Variants in WDR33 observed in about 807,000 individuals in gnomAD.
WDR33 encodes the protein WD repeat domain 33.
Under a neutral mutation model 164.9 loss-of-function variants are expected in WDR33, and 47 were observed. That is an observed-to-expected ratio of 0.29 (90% CI 0.23 to 0.36). The LOEUF (loss-of-function observed/expected upper bound fraction) is 0.36, where lower values mean the gene tolerates loss of function less well. Ranked by LOEUF, WDR33 falls within the 10% of genes least tolerant of loss-of-function variation. The pLI is 1.00. For missense variants in WDR33, 1,137 were observed against 1,754.1 expected (o/e 0.65, Z 6.28); for synonymous variants, 505 against 589.0 (o/e 0.86, Z 2.06).
chr2:127,707,448 T>A (rs930006395), intron 21 of WDR33, among the ~76,000 whole-genome samples: 4 of 152,122 alleles, frequency 2.6e-5, no homozygotes, highest in African/African-American at 9.7e-5. Flanking sequence ...CTTGGCTTCT[T>A]TTCTTAGAAA....
chr2:127,786,395 T>C (rs1688572699), intron 1 of WDR33, among the ~76,000 whole-genome samples: 1 of 152,228 alleles, frequency 6.6e-6, no homozygotes, highest in Non-Finnish European at 1.5e-5. Flanking sequence ...AGAAATACAA[T>C]ATTTTGGCAG....
In WDR33 at chr2:127,719,469, C is replaced by T. The variant is rs1272143206; in HGVS notation, c.2556G>A (p.Leu852=). 2 of 1,590,090 alleles carry T rather than the reference C, an allele frequency of 1.3e-6. No homozygotes were observed. The highest frequency in any genetic ancestry group is 1.7e-6 in the Non-Finnish European group (2 of 1,166,308). ...QGSMLGPPQE[L]RGPPGSQSQQ... is the part of the protein sequence containing the mutation. ...GACTTTGTGAGCCTGGAGGCCCTCGCAATTCCTGGGGAGGTCCCAGCATTG... is the reference window on the plus strand; with the variant it reads ...GACTTTGTGAGCCTGGAGGCCCTCGTAATTCCTGGGGAGGTCCCAGCATTG... Residue 852 remains leucine (L), a synonymous_variant, in exon 16 of 22, where the codon TTG becomes TTA. Transcript: ENST00000322313. This position sits in a 1 kb window ranked among gnomAD's most constrained non-coding sequence, Gnocchi z 6.5.
At chr2:127,743,794 CGAG>C (rs1339086975) in intron 7 of WDR33, among the ~76,000 whole-genome samples, 2 of 152,054 alleles carry the variant, frequency 1.3e-5, no homozygotes, top group East Asian at 1.9e-4. Context: ...ATGACAAAAA[CGAG>C]GAGGTAGGAG....
chr2:127,759,083 T>A (rs528386143), intron 7 of WDR33, among the ~76,000 whole-genome samples: 1 of 152,202 alleles, frequency 6.6e-6, no homozygotes, highest in African/African-American at 2.4e-5. Context: ...ATAAAAACTT[T>A]AAAAAATGTT....
Position 127,714,685 on chromosome 2 carries a change from C to A in WDR33, c.2870-664G>T, listed in dbSNP as rs986436002. Reference sequence around the variant, plus strand: ...TTTGAAGACAGTGTTTGGAATCCCACTAAAGTTTTCTAAAATATGTGAAAA... The same window carrying A: ...TTTGAAGACAGTGTTTGGAATCCCAATAAAGTTTTCTAAAATATGTGAAAA... On this transcript the variant is annotated intron_variant, in intron 17 of 21. Transcript: ENST00000322313. The surrounding 1 kb of genome is among the most constrained non-coding windows in gnomAD (Gnocchi z 4.3). 6.6e-6 allele frequency among the ~76,000 whole-genome samples: 1 copy of A among 152,188 alleles called. No homozygotes were observed. The highest frequency in any genetic ancestry group is 2.4e-5 in the African/African-American group (1 of 41,444).
At chr2:127,790,979 A>G (rs574732900) in intron 1 of WDR33, among the ~76,000 whole-genome samples, 5 of 151,800 alleles carry the variant, frequency 3.3e-5, no homozygotes, top group Non-Finnish European at 7.4e-5. Context: ...CATTCCTGAT[A>G]TTGTTCACTT....
intron 7 of WDR33, among the ~76,000 whole-genome samples, chr2:127,727,326 T>C (rs1031404052): frequency 6.6e-6 from 1 of 152,222 alleles, no homozygotes; most frequent in Non-Finnish European, 1.5e-5. Flanking sequence ...GATTCGCACA[T>C]GTTGTGACAG....
At chr2:127,784,707 T>C (rs958546113) in intron 1 of WDR33, among the ~76,000 whole-genome samples, 15 of 152,216 alleles carry the variant, frequency 9.9e-5, no homozygotes, top group Admixed American at 2.6e-4. Context: ...AAGCTTTTTA[T>C]ACTCTGTTAC....
Position 127,805,061 on chromosome 2 carries a change from GTTTTTTCTTTTTTTTTTTT to G in WDR33, c.-24+5932_-24+5950del, listed in dbSNP as rs1689383342. On this transcript the variant is annotated intron_variant, in intron 1 of 21. Coordinates refer to ENST00000322313, the MANE Select transcript of WDR33 (RefSeq NM_018383.5). Reference sequence around the variant, plus strand: ...TAAATCACGTATCATCACCTGTGAAGTTTTTTCTTTTTTTTTTTTTTTTTTTTTTTTTTTTTGAGACAGG... The same window carrying G: ...TAAATCACGTATCATCACCTGTGAAGTTTTTTTTTTTTTTTTTGAGACAGG... Among the ~76,000 whole-genome samples, 3 of 108,462 alleles carry G rather than the reference GTTTTTTCTTTTTTTTTTTT, an allele frequency of 2.8e-5. 1 individual carries two copies. Among genetic ancestry groups the G allele is most frequent in the African/African-American group, 1.1e-4 (3 of 26,506 alleles). 71.2% of individuals were successfully genotyped at this position (108,462 alleles called of 152,430 possible).
chr2:127,766,747 G>A (rs1687833752), intron 4 of WDR33, among the ~76,000 whole-genome samples: 1 of 151,222 alleles, frequency 6.6e-6, no homozygotes, highest in African/African-American at 2.4e-5. Context: ...CTACACACTG[G>A]TTGCTTCTAC....
Position 127,725,207 on chromosome 2 carries a change from TGGG to T in WDR33, c.857_859del (p.Ala286_His287delinsAsp). The T allele has an allele frequency of 6.3e-7, 1 of 1,595,862 alleles. No homozygotes were observed. The highest frequency in any genetic ancestry group is 8.5e-7 in the Non-Finnish European group (1 of 1,175,482). ...TTTCACTTCCATTACTGTGTTTTTA[TGGG>T]CATGACTAGAAACAAAGTATCAAAA... On this transcript the variant is annotated inframe_deletion, in exon 9 of 22. Transcript: ENST00000322313.
At chr2:127,806,198 G>A (rs1689433955) in intron 1 of WDR33, among the ~76,000 whole-genome samples, 1 of 145,972 alleles carries the variant, frequency 6.9e-6, no homozygotes, top group Non-Finnish European at 1.5e-5. Context: ...CTCTTTAGTT[G>A]TTTTTCTTTT....
Position 127,714,935 on chromosome 2 carries a change from G to A in WDR33, c.2870-914C>T, listed in dbSNP as rs951508268. ...ACTCTTGATTCTAAAAACAAAAACT[G>A]TGTTTTTAAAGTGAAATTCCTCCAA... On this transcript the variant is annotated intron_variant, in intron 17 of 21. Transcript: ENST00000322313. The surrounding 1 kb of genome is among the most constrained non-coding windows in gnomAD (Gnocchi z 4.3). Among the ~76,000 whole-genome samples, 1 of 152,036 alleles carries A rather than the reference G, an allele frequency of 6.6e-6. No homozygotes were observed. The highest frequency in any genetic ancestry group is 1.5e-5 in the Non-Finnish European group (1 of 68,012).
Position 127,724,218 on chromosome 2 carries a change from C to G in WDR33, c.1196+115G>C, listed in dbSNP as rs1686509346. 2 of 739,856 alleles carry G rather than the reference C, an allele frequency of 2.7e-6. No individual in the cohort carries two copies. Among genetic ancestry groups the G allele is most frequent in the Non-Finnish European group, 4.2e-6 (2 of 477,656 alleles). 45.8% of individuals were successfully genotyped at this position (739,856 alleles called of 1,614,324 possible). A position where few individuals can be genotyped will look rare whatever the true frequency, so the allele number is the denominator to read the frequency against. On this transcript the variant is annotated intron_variant, in intron 11 of 21. Transcript: ENST00000322313. This position sits in a 1 kb window ranked among gnomAD's most constrained non-coding sequence, Gnocchi z 4.8. ...TTGTAAACCACTACAAAAATATTCC[C>G]AAGAATAAGTTGGAATATAAATTAC... is the stretch of plus-strand genomic sequence containing the variant.
intron 1 of WDR33, among the ~76,000 whole-genome samples, chr2:127,777,483 C>A (rs1395411370): frequency 6.6e-6 from 1 of 152,194 alleles, no homozygotes; most frequent in Non-Finnish European, 1.5e-5. Flanking sequence ...ATTTTCTCAA[C>A]CTGTAAAATG....
rs1686460648 is a variant in WDR33 at position 127,722,337 on chromosome 2, G to A, written c.1518+254C>T. 6.6e-6 allele frequency among the ~76,000 whole-genome samples: 1 copy of A among 152,168 alleles called. No individual in the cohort carries two copies. Among genetic ancestry groups the A allele is most frequent in the Non-Finnish European group, 1.5e-5 (1 of 68,038 alleles). On this transcript the variant is annotated intron_variant, in intron 14 of 21. Coordinates refer to ENST00000322313, the MANE Select transcript of WDR33 (RefSeq NM_018383.5). This position sits in a 1 kb window ranked among gnomAD's most constrained non-coding sequence, Gnocchi z 5.1. ...AGCAACATACTCCCATACTCCCTCT[G>A]CTCCATGCCTCTTTCTTCTATTTCC... is the stretch of plus-strand genomic sequence containing the variant.
intron 7 of WDR33, chr2:127,737,579 C>T: frequency 1.0e-6 from 1 of 989,864 alleles, no homozygotes; most frequent in Non-Finnish European, 1.2e-6. Flanking sequence ...ATTAGAAAGG[C>T]CAGTACCTAC....
chr2:127,729,873 A>T (rs1686661154), intron 7 of WDR33, among the ~76,000 whole-genome samples: 1 of 152,222 alleles, frequency 6.6e-6, no homozygotes, highest in South Asian at 2.1e-4. Flanking sequence ...AAAACTGAAT[A>T]CAAATAATGA....
At chr2:127,725,990 T>C (rs1381618183) in intron 8 of WDR33, among the ~76,000 whole-genome samples, 1 of 152,130 alleles carries the variant, frequency 6.6e-6, no homozygotes. Context: ...GCACAATGGA[T>C]ATCTCCAAGG....
Sources: gnomAD v4.1 joint callset for allele counts (sites outside exome capture counted in the v4.1 genomes callset) on GRCh38, gnomAD v4.1.1 for gene constraint, Gnocchi (gnomAD v3.1) non-coding constraint, MANE v1.5 for transcripts, NCBI Gene and HGNC (gene_info 2026-07-23, HGNC 2026-07-21) for gene names.